The following CACNA2D3 variants were observed in gnomAD, a reference collection of about 807,000 sequenced individuals.
CACNA2D3 encodes calcium voltage-gated channel auxiliary subunit alpha2delta 3.
CACNA2D3 carries 60 observed loss-of-function variants against 160.6 expected under a neutral mutation model. That is an observed-to-expected ratio of 0.37 (90% CI 0.30 to 0.46). The LOEUF (loss-of-function observed/expected upper bound fraction) is 0.46, where lower values mean the gene tolerates loss of function less well. CACNA2D3 is among the 20% of genes least tolerant of loss of function. The pLI, the probability that CACNA2D3 is intolerant of heterozygous loss-of-function variation, is 1.00. For synonymous variants in CACNA2D3, 558 were observed against 492.9 expected (o/e 1.13, Z -1.75); for missense variants, 1,205 against 1,365.0 (o/e 0.88, Z 1.85).
At chr3:54,687,808 A>C (rs997224032) in intron 11 of CACNA2D3, among the ~76,000 whole-genome samples, 4 of 152,194 alleles carry the variant, frequency 2.6e-5, no homozygotes, top group Non-Finnish European at 5.9e-5. Flanking sequence ...GAGCTTTGCA[A>C]GCTCCTCTTC....
At chr3:54,555,787 G>T (rs1377373761) in intron 5 of CACNA2D3, among the ~76,000 whole-genome samples, 1 of 152,110 alleles carries the variant, frequency 6.6e-6, no homozygotes, top group African/African-American at 2.4e-5. Flanking sequence ...GATTGGATAG[G>T]AATATTGGAG....
chr3:54,816,460 C>G (rs1006790503), intron 13 of CACNA2D3, among the ~76,000 whole-genome samples: 8 of 152,080 alleles, frequency 5.3e-5, no homozygotes, highest in African/African-American at 1.7e-4. Context: ...TTTGACAACC[C>G]CAAATGTCTC....
At chr3:55,040,518 T>G (rs1703935141) in intron 35 of CACNA2D3, among the ~76,000 whole-genome samples, 1 of 152,106 alleles carries the variant, frequency 6.6e-6, no homozygotes, top group South Asian at 2.1e-4. Context: ...TGAAAAAAAC[T>G]GTGTTTTAAA....
chr3:54,350,982 G>GTTTTTTTTTTT (rs1491034355), intron 3 of CACNA2D3, among the ~76,000 whole-genome samples: 4 of 61,800 alleles, frequency 6.5e-5, no homozygotes, highest in Non-Finnish European at 9.1e-5. Context: ...TTTTTTTTTT[G>GTTTTTTTTTTT]TTTGTTTTTT....
intron 17 of CACNA2D3, among the ~76,000 whole-genome samples, chr3:54,854,323 C>G (rs532458712): frequency 3.1e-4 from 47 of 152,280 alleles, no homozygotes; most frequent in Non-Finnish European, 4.7e-4. Context: ...GTGAGGGCAC[C>G]GTCCTCACTG....
intron 14 of CACNA2D3, among the ~76,000 whole-genome samples, chr3:54,820,930 A>G (rs553675887): frequency 2.0e-5 from 3 of 152,160 alleles, no homozygotes; most frequent in African/African-American, 7.2e-5. Flanking sequence ...GGAGCTAAAC[A>G]TCAGTTATTC....
At chr3:54,810,555 T>C (rs1027906993) in intron 13 of CACNA2D3, among the ~76,000 whole-genome samples, 1 of 152,202 alleles carries the variant, frequency 6.6e-6, no homozygotes, top group Non-Finnish European at 1.5e-5. Context: ...CAGGGATTGA[T>C]CATTCATTCA....
intron 11 of CACNA2D3, among the ~76,000 whole-genome samples, chr3:54,743,501 T>C (rs1407415708): frequency 6.6e-6 from 1 of 152,098 alleles, no homozygotes; most frequent in African/African-American, 2.4e-5. Flanking sequence ...GTATTCCAAG[T>C]ACAATGGGAA....
chr3:54,954,643 G>A (rs1025840489), intron 27 of CACNA2D3, among the ~76,000 whole-genome samples: 2 of 152,152 alleles, frequency 1.3e-5, no homozygotes, highest in South Asian at 2.1e-4. Flanking sequence ...GTGCAGAGAG[G>A]ACAAACTGGC....
intron 11 of CACNA2D3, among the ~76,000 whole-genome samples, chr3:54,740,114 A>G (rs181834265): frequency 1.4e-3 from 217 of 152,140 alleles, no homozygotes; most frequent in African/African-American, 5.0e-3. Flanking sequence ...CAGCAAGGAG[A>G]AAAGGACACC....
chr3:54,360,621 C>G (rs555056862), intron 3 of CACNA2D3, among the ~76,000 whole-genome samples: 37 of 152,306 alleles, frequency 2.4e-4, no homozygotes, highest in Non-Finnish European at 4.6e-4. Context: ...CAGTAGGAAT[C>G]TGGCTGTAGT....
chr3:54,939,056 G>C (rs1374080657), intron 27 of CACNA2D3, among the ~76,000 whole-genome samples: 1 of 152,154 alleles, frequency 6.6e-6, no homozygotes, highest in East Asian at 1.9e-4. Flanking sequence ...GGGATAATGA[G>C]GCACTGTTAT....
intron 2 of CACNA2D3, among the ~76,000 whole-genome samples, chr3:54,243,724 T>C (rs183894604): frequency 7.8e-4 from 119 of 152,282 alleles, no homozygotes; most frequent in African/African-American, 2.8e-3. Context: ...GGCTCCAGGC[T>C]CCAGACTTCA....
In CACNA2D3 at chr3:54,604,096, ATT is replaced by A. The variant is rs558289023; in HGVS notation, c.963+22221_963+22222del. 4.1e-3 allele frequency among the ~76,000 whole-genome samples: 622 copies of A among 152,184 alleles called. 2 individuals carry two copies. The highest frequency in any genetic ancestry group is 0.014 in the African/African-American group (587 of 41,506). On this transcript the variant is annotated intron_variant, in intron 9 of 37. Coordinates refer to ENST00000474759, the MANE Select transcript of CACNA2D3 (RefSeq NM_018398.3). ...TGAGCATCAGTATATTAATATTTGG[ATT>A]TGTTTAATTCCTTAGGATATGGGCC...
chr3:54,956,050 C>T (rs1004191714), intron 27 of CACNA2D3, among the ~76,000 whole-genome samples: 9 of 152,208 alleles, frequency 5.9e-5, no homozygotes, highest in Non-Finnish European at 7.3e-5. Context: ...TCCGCCCCTC[C>T]TTAATGTTTC....
At chr3:54,780,418 T>C (rs952631712) in intron 13 of CACNA2D3, among the ~76,000 whole-genome samples, 1 of 152,234 alleles carries the variant, frequency 6.6e-6, no homozygotes, top group African/African-American at 2.4e-5. Flanking sequence ...GCATATTGTT[T>C]ATACTGTATT....
intron 4 of CACNA2D3, among the ~76,000 whole-genome samples, chr3:54,424,822 C>T (rs918484368): frequency 1.3e-5 from 2 of 152,194 alleles, no homozygotes; most frequent in Non-Finnish European, 2.9e-5. Context: ...CTCTGCATCC[C>T]CACTTTCCTG....
At chr3:54,333,621 C>G (rs185692916) in intron 3 of CACNA2D3, among the ~76,000 whole-genome samples, 4 of 151,938 alleles carry the variant, frequency 2.6e-5, no homozygotes, top group Non-Finnish European at 5.9e-5. Context: ...GTGAAGCCCC[C>G]GGGGCAGCAC....
At position 54,430,126 on chromosome 3, in the gene CACNA2D3, C is replaced by T. The variant is rs192248622; in HGVS notation, c.381+43352C>T. Among the ~76,000 whole-genome samples, 825 of 152,298 alleles carry T rather than the reference C, an allele frequency of 5.4e-3. 9 individuals carry two copies. Among genetic ancestry groups the T allele is most frequent in the African/African-American group, 0.018 (729 of 41,562 alleles). Reference sequence around the variant, plus strand: ...TAATGCTAATTATGTCCTTGCTGCGCAACTACTTTCTATGTAAATTGTGGG... The same window carrying T: ...TAATGCTAATTATGTCCTTGCTGCGTAACTACTTTCTATGTAAATTGTGGG... On this transcript the variant is annotated intron_variant, in intron 4 of 37. Transcript: ENST00000474759.
Sources: allele counts gnomAD v4.1 joint callset (sites outside exome capture counted in the v4.1 genomes callset), GRCh38; gene constraint gnomAD v4.1.1; transcripts MANE v1.5; gene names NCBI Gene and HGNC (gene_info 2026-07-23, HGNC 2026-07-21).